Variants in RUBCN observed in about 807,000 individuals in gnomAD.
RUBCN encodes the protein run domain Beclin-1-interacting and cysteine-rich domain-containing protein.
In RUBCN, 74 loss-of-function variants were observed where a neutral mutation model predicts 113.2. The ratio of observed to expected loss-of-function variants is 0.65; its 90% CI spans 0.54 to 0.79. The LOEUF is 0.79. Ranked by LOEUF, RUBCN falls within the 30% of genes least tolerant of loss-of-function variation. The probability of loss-of-function intolerance (pLI) is 0.00; values close to 1 mark genes in which losing one functional copy is unlikely to be tolerated. For missense variants in RUBCN, 1,109 were observed against 1,251.7 expected (o/e 0.89, Z 1.72); for synonymous variants, 480 against 490.0 (o/e 0.98, Z 0.27).
chr3:197,679,228 G>A (rs565518566), intron 16 of RUBCN, among the ~76,000 whole-genome samples: 11 of 131,674 alleles, frequency 8.4e-5, no homozygotes, highest in South Asian at 7.6e-4. Context: ...GCTCTAACTC[G>A]ACAAGTGGCT....
intron 11 of RUBCN, among the ~76,000 whole-genome samples, chr3:197,693,511 C>T (rs1384320847): frequency 1.3e-5 from 2 of 152,172 alleles, no homozygotes; most frequent in Non-Finnish European, 2.9e-5. Context: ...AGCAGCCACT[C>T]CATCCACCTG....
chr3:197,681,279 G>A lies in RUBCN; in HGVS notation c.2280C>T (p.Ser760=). Residue 760 remains serine, a synonymous_variant, in exon 16 of 20, where the codon AGC becomes AGT. Coordinates refer to ENST00000296343, the MANE Select transcript of RUBCN (RefSeq NM_014687.4). This position sits in a 1 kb window ranked among gnomAD's most constrained non-coding sequence, Gnocchi z 5.5. ...CHENAQMAIP[S]RVLRKWDFSK... is the part of the protein sequence containing the mutation. ...TGAAGTCCCACTTGCGCAGAACCCG[G>A]CTGGGGATGGCCATCTGGGCATTCT... 2 of 1,614,174 alleles carry A rather than the reference G, an allele frequency of 1.2e-6. No homozygotes were observed. Among genetic ancestry groups the A allele is most frequent in the Non-Finnish European group, 1.7e-6 (2 of 1,180,024 alleles).
chr3:197,707,220 T>C (rs1040707413), intron 2 of RUBCN, among the ~76,000 whole-genome samples: 2 of 151,836 alleles, frequency 1.3e-5, no homozygotes, highest in African/African-American at 2.4e-5. Context: ...TAGTCCCAGC[T>C]ACTCGGGGGG....
chr3:197,726,229 ATTTT>A (rs1726732868), intron 1 of RUBCN, among the ~76,000 whole-genome samples: 1 of 152,010 alleles, frequency 6.6e-6, no homozygotes, highest in Admixed American at 6.6e-5. Flanking sequence ...TTTGTATTTT[ATTTT>A]ATTTTATTTT....
Position 197,681,746 on chromosome 3 carries a change from C to T in RUBCN, c.2191+89G>A. ...CCTACTTCTGCCACGCCACCTCCTG[C>T]TACCGCCTTTGACACGCCACCTCTC... On this transcript the variant is annotated intron_variant, in intron 15 of 19. Coordinates refer to ENST00000296343, the MANE Select transcript of RUBCN (RefSeq NM_014687.4). The surrounding 1 kb of genome is among the most constrained non-coding windows in gnomAD (Gnocchi z 5.5). 1 of 1,186,222 alleles carries T rather than the reference C, an allele frequency of 8.4e-7. No homozygotes were observed. 73.5% of individuals were successfully genotyped at this position (1,186,222 alleles called of 1,614,324 possible).
rs1359547808 is a variant in RUBCN, at chr3:197,719,101, A to C, written c.66-971T>G. 2.6e-5 allele frequency among the ~76,000 whole-genome samples: 4 copies of C among 152,176 alleles called. No individual in the cohort carries two copies. In the East Asian group the frequency reaches 7.7e-4, roughly 29 times the overall value. ...GTTACAATCCGGTCTCATAGGCCTG[A>C]GAATCAGTCTGACTCATGACGTGAC... On this transcript the variant is annotated intron_variant, in intron 1 of 19. Coordinates refer to ENST00000296343, the MANE Select transcript of RUBCN (RefSeq NM_014687.4).
chr3:197,701,793 T>C lies in RUBCN; in HGVS notation c.642A>G (p.Thr214=). Residue 214 remains threonine (T), a synonymous_variant, in exon 6 of 20, where the codon ACA becomes ACG. Transcript: ENST00000296343. ...SQSLTALPSS[T]YTPPNSYAQH... Reference sequence around the variant, plus strand: ...GAGCATAGCTGTTTGGAGGGGTGTATGTGGAACTGGGCAGGGCTGTCAGGC... The same window carrying C: ...GAGCATAGCTGTTTGGAGGGGTGTACGTGGAACTGGGCAGGGCTGTCAGGC... The C allele has an allele frequency of 6.2e-7, 1 of 1,614,116 alleles. No individual in the cohort carries two copies. The highest frequency in any genetic ancestry group is 8.5e-7 in the Non-Finnish European group (1 of 1,179,976).
chr3:197,695,733 T>G, intron 9 of RUBCN, 133 bp downstream of exon 9: 15 of 804,314 alleles, frequency 1.9e-5, no homozygotes, highest in Non-Finnish European at 2.3e-5. Context: ...CAGAACTTGC[T>G]GAGCTTCCCT....
Position 197,714,001 on chromosome 3 carries a change from G to A in RUBCN, c.219+3976C>T, listed in dbSNP as rs1009858952. On this transcript the variant is annotated intron_variant, in intron 2 of 19. Coordinates refer to ENST00000296343, the MANE Select transcript of RUBCN (RefSeq NM_014687.4). ...TGAGGCAGGAGAATGGCGTAAACCC[G>A]GGAGGCAGAGCTTGCAGTGAGCTGA... 1.1e-4 allele frequency among the ~76,000 whole-genome samples: 16 copies of A among 152,120 alleles called. 1 individual carries two copies. The highest frequency in any genetic ancestry group is 1.8e-4 in the Non-Finnish European group (12 of 67,996).
At chr3:197,739,557 G>C (rs148277539), upstream of RUBCN, among the ~76,000 whole-genome samples, 1 of 150,772 alleles carries the variant, frequency 6.6e-6, no homozygotes, top group Non-Finnish European at 1.5e-5. Context: ...TTAGCCGGGC[G>C]TGGTGGCGGG....
Position 197,675,270 on chromosome 3 carries a change from A to G in RUBCN, c.2741-74T>C, listed in dbSNP as rs1720238585. ...CTCCAGCTAGAGGTCAGTTGCTGCC[A>G]CAGCCCCTTCTCGCCACCAAGGCGT... On this transcript the variant is annotated intron_variant, in intron 19 of 19. Transcript: ENST00000296343. The surrounding 1 kb of genome is among the most constrained non-coding windows in gnomAD (Gnocchi z 4.4). 3.2e-6 allele frequency: 5 copies of G among 1,582,782 alleles called. No individual in the cohort carries two copies. The highest frequency in any genetic ancestry group is 3.5e-6 in the Non-Finnish European group (4 of 1,152,154).
rs758234345 is a variant in RUBCN at position 197,681,166 on chromosome 3, G to C, written c.2393C>G (p.Ala798Gly). The C allele has an allele frequency of 6.2e-7, 1 of 1,613,712 alleles. No homozygotes were observed. The highest frequency in any genetic ancestry group is 8.5e-7 in the Non-Finnish European group (1 of 1,179,808). ...GAGCAGCTTGACCTTCCTATAGAGG[G>C]CACTGTTTATGTCCTGCACGTTGAA... ...PLFNVQDINS[A>G]LYRKVKLLNQ... is the part of the protein sequence containing the mutation. The change falls in exon 16 of 20, where the codon GCC becomes GGC. Residue 798 changes from alanine to glycine, a missense_variant. Physicochemically the swap from Ala to Gly is moderately conservative, Grantham distance 60 (BLOSUM62 0). Transcript: ENST00000296343. This position sits in a 1 kb window ranked among gnomAD's most constrained non-coding sequence, Gnocchi z 5.5.
At chr3:197,680,122 A>C (rs1721032780) in intron 16 of RUBCN, among the ~76,000 whole-genome samples, 1 of 125,162 alleles carries the variant, frequency 8.0e-6, no homozygotes, top group Non-Finnish European at 1.7e-5. Context: ...AACTGGCTTC[A>C]GACTGTCCTA....
chr3:197,729,201 T>C (rs1430157050), intron 1 of RUBCN, among the ~76,000 whole-genome samples: 1 of 152,008 alleles, frequency 6.6e-6, no homozygotes, highest in African/African-American at 2.4e-5. Context: ...ATGGAAAATA[T>C]TCTGTTTTCA....
intron 1 of RUBCN, among the ~76,000 whole-genome samples, chr3:197,734,835 G>A (rs1289249726): frequency 6.6e-6 from 1 of 152,190 alleles, no homozygotes; most frequent in Non-Finnish European, 1.5e-5. Flanking sequence ...ACATGGAAAA[G>A]GGAAGTAAGA....
At chr3:197,749,801 C>G (rs1728931889), upstream of RUBCN, 1 of 471,944 alleles carries the variant, frequency 2.1e-6, no homozygotes, top group South Asian at 3.1e-5. Context: ...CCGCTCTGGT[C>G]GCCCGCGAGT....
intron 12 of RUBCN, 70 bp downstream of exon 12, chr3:197,684,087 A>G: frequency 1.6e-6 from 2 of 1,266,974 alleles, no homozygotes; most frequent in Non-Finnish European, 2.3e-6. Flanking sequence ...CCATACACCA[A>G]GAACTGGGTT....
At position 197,694,310 on chromosome 3, in the gene RUBCN, G is replaced by C. The variant is rs756578733; in HGVS notation, c.1684+65C>G. On this transcript the variant is annotated intron_variant, in intron 10 of 19. Transcript: ENST00000296343. ...TGACAGCAGAGGAACCACTGGTTTGGGCACCAGGCCTTATGCTGAAGTTGG... is the reference window on the plus strand; with the variant it reads ...TGACAGCAGAGGAACCACTGGTTTGCGCACCAGGCCTTATGCTGAAGTTGG... 3.6e-6 allele frequency: 5 copies of C among 1,387,812 alleles called. No homozygotes were observed. In the African/African-American group the frequency reaches 7.1e-5, roughly 20 times the overall value. 86.0% of individuals were successfully genotyped at this position (1,387,812 alleles called of 1,614,324 possible). A position where few individuals can be genotyped will look rare whatever the true frequency, so the allele number is the denominator to read the frequency against.
At chr3:197,748,282 A>C (rs1728843901) in intron 1 of RUBCN, 2 of 152,112 alleles carry the variant, frequency 1.3e-5, no homozygotes, top group African/African-American at 4.8e-5. Flanking sequence ...CTTCAGGGTG[A>C]GAGAGTAGTA....
Sources: gnomAD v4.1 joint callset for allele counts (sites outside exome capture counted in the v4.1 genomes callset) on GRCh38, gnomAD v4.1.1 for gene constraint, Gnocchi (gnomAD v3.1) non-coding constraint, MANE v1.5 for transcripts, NCBI Gene and HGNC (gene_info 2026-07-23, HGNC 2026-07-21) for gene names.